The following ST6GAL1 variants were observed in gnomAD, a reference collection of about 807,000 sequenced individuals.
ST6GAL1 encodes ST6 beta-galactoside alpha-2,6-sialyltransferase 1, also known as beta-galactoside alpha-2,6-sialyltransferase 1.
A neutral mutation model predicts 38.0 loss-of-function variants in ST6GAL1; 20 were observed. The observed-to-expected ratio is 0.53, with a 90% CI of 0.37 to 0.77. ST6GAL1 has a LOEUF of 0.77. Ranked by LOEUF, ST6GAL1 falls within the 30% of genes least tolerant of loss-of-function variation. ST6GAL1 has a pLI of 0.00. For missense variants in ST6GAL1, 432 were observed against 496.4 expected, an observed-to-expected ratio of 0.87 and a Z score of 1.23; for synonymous variants, 196 against 188.2, an observed-to-expected ratio of 1.04 and a Z score of -0.34.
At chr3:187,018,843 G>A (rs532303598) in intron 2 of ST6GAL1, among the ~76,000 whole-genome samples, 3 of 152,150 alleles carry the variant, frequency 2.0e-5, no homozygotes, top group Non-Finnish European at 4.4e-5. Context: ...ACAAAGTTAC[G>A]ATTATTGGAG....
chr3:187,068,341 CA>C (rs112868643), intron 5 of ST6GAL1, among the ~76,000 whole-genome samples: 20,601 of 87,714 alleles, frequency 0.23, 2,931 homozygotes, highest in African/African-American at 0.46. Context: ...GACTCCATCT[CA>C]AAAAAAAAAA....
chr3:186,940,737 G>C (rs1714137805), intron 1 of ST6GAL1, among the ~76,000 whole-genome samples: 1 of 149,162 alleles, frequency 6.7e-6, no homozygotes, highest in South Asian at 2.1e-4. Flanking sequence ...TTACAAACTT[G>C]CCTTGTTCAT....
chr3:186,947,652 C>T (rs1714422481), intron 1 of ST6GAL1, among the ~76,000 whole-genome samples: 2 of 152,246 alleles, frequency 1.3e-5, no homozygotes, highest in Admixed American at 1.3e-4. Context: ...TAAGAGCCTA[C>T]ATGATGGTCC....
At chr3:186,988,319 G>T (rs1207073712) in intron 2 of ST6GAL1, among the ~76,000 whole-genome samples, 1 of 152,110 alleles carries the variant, frequency 6.6e-6, no homozygotes, top group South Asian at 2.1e-4. Flanking sequence ...TGGGGATAAT[G>T]CTTCCTCAGC....
chr3:186,964,351 A>T (rs77219504), intron 2 of ST6GAL1: 1 of 152,010 alleles, frequency 6.6e-6, no homozygotes, highest in Non-Finnish European at 1.5e-5. Context: ...GTGAAACATT[A>T]TGCAGAGAGG....
intron 2 of ST6GAL1, among the ~76,000 whole-genome samples, chr3:187,010,629 A>T (rs1468294611): frequency 3.3e-5 from 5 of 151,944 alleles, no homozygotes; most frequent in Admixed American, 2.6e-4. Flanking sequence ...AGAGCCAGAC[A>T]GACTCCATCT....
Position 187,074,290 on chromosome 3 carries a change from C to T in ST6GAL1, c.936C>T (p.Ser312=). ...TATGGGACATTCTTCAAGAAATCTC[C>T]CCAGAAGAGATTCAGCCAAACCCCC... The part of the protein sequence containing the change: ...WELWDILQEI[S]PEEIQPNPPS... Residue 312 remains serine (S), a synonymous_variant, in exon 7 of 8, where the codon TCC becomes TCT. Transcript: ENST00000169298. 1 of 1,606,074 alleles carries T rather than the reference C, an allele frequency of 6.2e-7. No individual in the cohort carries two copies. The highest frequency in any genetic ancestry group is 8.5e-7 in the Non-Finnish European group (1 of 1,176,454).
At position 187,076,041 on chromosome 3, in the gene ST6GAL1, GCAT is replaced by G. The variant is rs1719550310; in HGVS notation, c.*239_*241del. ...TGCCACACACATGCACACATATCTA[GCAT>G]TCTTTCCAGACAGCATCCTCCCCGC... On this transcript the variant is annotated 3_prime_UTR_variant, in exon 8 of 8. Transcript: ENST00000169298. 1 of 533,266 alleles carries G rather than the reference GCAT, an allele frequency of 1.9e-6. No individual in the cohort carries two copies. Among genetic ancestry groups the G allele is most frequent in the Non-Finnish European group, 3.3e-6 (1 of 305,322 alleles). 33.0% of individuals were successfully genotyped at this position (533,266 alleles called of 1,614,324 possible).
At chr3:186,970,381 A>ATTT (rs34837598) in intron 2 of ST6GAL1, among the ~76,000 whole-genome samples, 1 of 141,764 alleles carries the variant, frequency 7.1e-6, no homozygotes, top group Non-Finnish European at 1.5e-5. Context: ...CGCCCGGCAA[A>ATTT]TTTTTTTTTT....
chr3:186,970,097 C>G (rs1005009442), intron 2 of ST6GAL1, among the ~76,000 whole-genome samples: 26 of 152,150 alleles, frequency 1.7e-4, no homozygotes, highest in African/African-American at 6.0e-4. Context: ...AATATCAAAA[C>G]CAGCCATCTG....
intron 4 of ST6GAL1, among the ~76,000 whole-genome samples, chr3:187,045,786 T>C (rs1718273249): frequency 6.6e-6 from 1 of 152,240 alleles, no homozygotes; most frequent in Admixed American, 6.5e-5. Context: ...TTTTCTTCTA[T>C]TCTTGTCTAT....
chr3:186,968,658 G>A (rs899281492), intron 2 of ST6GAL1, among the ~76,000 whole-genome samples: 2 of 151,864 alleles, frequency 1.3e-5, no homozygotes, highest in African/African-American at 2.4e-5. Context: ...TTCATTCAGC[G>A]TAATTATTTT....
At chr3:187,051,201 A>C in intron 4 of ST6GAL1, 48 bp from the exon 5 acceptor site, 6 of 1,518,108 alleles carry the variant, frequency 4.0e-6, no homozygotes, top group Admixed American at 1.7e-5. Context: ...CTTTTTCTGC[A>C]TATTGCCAGT....
chr3:186,969,911 G>A (rs2108530734), intron 2 of ST6GAL1, among the ~76,000 whole-genome samples: 1 of 152,332 alleles, frequency 6.6e-6, no homozygotes, highest in South Asian at 2.1e-4. Context: ...CCAGGATTTT[G>A]GAGCGAAGAG....
intron 4 of ST6GAL1, among the ~76,000 whole-genome samples, chr3:187,045,200 G>A (rs1718255560): frequency 6.6e-6 from 1 of 152,016 alleles, no homozygotes; most frequent in South Asian, 2.1e-4. Context: ...AGGTTTTTGT[G>A]CAGATAACTT....
At chr3:186,932,407 AG>A (rs1380392350) in intron 1 of ST6GAL1, among the ~76,000 whole-genome samples, 3 of 152,280 alleles carry the variant, frequency 2.0e-5, no homozygotes, top group African/African-American at 7.2e-5. Context: ...TAGGCAGAAT[AG>A]GGTGAAACAA....
chr3:186,967,899 C>T (rs892718887), intron 2 of ST6GAL1, among the ~76,000 whole-genome samples: 7 of 152,240 alleles, frequency 4.6e-5, no homozygotes, highest in African/African-American at 1.4e-4. Context: ...GGAGCCGGCA[C>T]AGCCCACTTC....
chr3:187,001,368 C>A (rs546645235), intron 2 of ST6GAL1, among the ~76,000 whole-genome samples: 2 of 152,306 alleles, frequency 1.3e-5, no homozygotes, highest in Admixed American at 6.5e-5. Context: ...CAGGTGACAG[C>A]AATGTCTCCC....
intron 1 of ST6GAL1, among the ~76,000 whole-genome samples, chr3:186,960,826 C>T (rs1714909212): frequency 6.6e-6 from 1 of 151,686 alleles, no homozygotes; most frequent in Non-Finnish European, 1.5e-5. Context: ...ACCCTAGTGG[C>T]CCGCGGCCAC....
Sources: gnomAD v4.1 joint callset for allele counts (sites outside exome capture counted in the v4.1 genomes callset) on GRCh38, gnomAD v4.1.1 for gene constraint, MANE v1.5 for transcripts, NCBI Gene and HGNC (gene_info 2026-07-23, HGNC 2026-07-21) for gene names.